The following IL36B variants were observed in gnomAD, a reference collection of about 807,000 sequenced individuals.
IL36B encodes interleukin-36 beta.
A neutral mutation model predicts 19.3 loss-of-function variants in IL36B; 23 were observed. The observed-to-expected ratio is 1.19, with a 90% CI of 0.86 to 1.69. IL36B has a LOEUF of 1.69. Ranked by LOEUF, IL36B falls within the 40% of genes most tolerant of loss-of-function variation. The probability of loss-of-function intolerance (pLI) is 0.00; values close to 1 mark genes in which losing one functional copy is unlikely to be tolerated. For missense variants in IL36B, 217 were observed against 200.5 expected (o/e 1.08, Z -0.50); for synonymous variants, 59 against 59.7 (o/e 0.99, Z 0.05).
At chr2:113,052,152 G>T (rs1350708355) in intron 1 of IL36B, among the ~76,000 whole-genome samples, 2 of 151,928 alleles carry the variant, frequency 1.3e-5, no homozygotes, top group East Asian at 3.9e-4. Flanking sequence ...GTTTCTTCAT[G>T]TTTGCCAGGC....
chr2:113,031,104 C>T lies in IL36B; in HGVS notation c.65G>A (p.Trp22Ter). The stretch of plus-strand genomic sequence containing the variant: ...TATTAAAGAATTTCCACTCAGGACC[C>T]ACACCATCTGTCGAGAATCACGAAT... The change falls in exon 3 of 6, where the codon TGG (tryptophan) becomes TAG (stop). Residue 22 changes from tryptophan (W) to a stop codon, truncating the protein, a stop_gained. Transcript: ENST00000259213. LOFTEE classifies it high-confidence loss of function. The T allele has an allele frequency of 6.2e-7, 1 of 1,614,176 alleles. No homozygotes were observed.
intron 1 of IL36B, among the ~76,000 whole-genome samples, chr2:113,050,219 CA>C (rs1461711113): frequency 6.6e-6 from 1 of 151,962 alleles, no homozygotes; most frequent in Non-Finnish European, 1.5e-5. Context: ...TGTCCATCGA[CA>C]GATGAACGAA....
intron 1 of IL36B, among the ~76,000 whole-genome samples, chr2:113,045,361 T>G (rs933087367): frequency 2.6e-5 from 4 of 152,204 alleles, no homozygotes; most frequent in African/African-American, 7.2e-5. Flanking sequence ...TGTATTTGTA[T>G]GCATTGTGTC....
intron 1 of IL36B, among the ~76,000 whole-genome samples, chr2:113,049,998 C>T (rs1339016410): frequency 4.0e-5 from 6 of 151,878 alleles, no homozygotes; most frequent in Non-Finnish European, 5.9e-5. Flanking sequence ...CCCTTGTGCA[C>T]TGTTGGTGGG....
chr2:113,044,657 T>C (rs975316720), intron 1 of IL36B, among the ~76,000 whole-genome samples: 3 of 152,204 alleles, frequency 2.0e-5, no homozygotes, highest in Admixed American at 1.3e-4. Flanking sequence ...AGTTTTGCTT[T>C]TTAATTCAAT....
At chr2:113,037,166 T>C (rs913142216) in intron 1 of IL36B, among the ~76,000 whole-genome samples, 3 of 152,122 alleles carry the variant, frequency 2.0e-5, no homozygotes, top group Non-Finnish European at 2.9e-5. Flanking sequence ...GAGGTACCTA[T>C]GGCTCTCAAC....
intron 1 of IL36B, among the ~76,000 whole-genome samples, chr2:113,040,676 A>G (rs1685238915): frequency 6.6e-6 from 1 of 152,240 alleles, no homozygotes; most frequent in Non-Finnish European, 1.5e-5. Flanking sequence ...AATAAATTTA[A>G]CAAAGTATAT....
chr2:113,045,948 G>C (rs890865001), intron 1 of IL36B, among the ~76,000 whole-genome samples: 6 of 152,056 alleles, frequency 3.9e-5, no homozygotes, highest in Non-Finnish European at 8.8e-5. Context: ...TCCTCATACT[G>C]TGTCTGAATT....
At chr2:113,050,136 T>C (rs928445939) in intron 1 of IL36B, among the ~76,000 whole-genome samples, 2 of 152,198 alleles carry the variant, frequency 1.3e-5, no homozygotes, top group Non-Finnish European at 2.9e-5. Context: ...AAGCAGAGAC[T>C]TGAAAAGCTA....
intron 1 of IL36B, among the ~76,000 whole-genome samples, chr2:113,044,657 T>A (rs975316720): frequency 6.6e-6 from 1 of 152,204 alleles, no homozygotes; most frequent in Admixed American, 6.5e-5. Flanking sequence ...AGTTTTGCTT[T>A]TTAATTCAAT....
At chr2:113,033,061 A>C (rs1357951508) in intron 1 of IL36B, among the ~76,000 whole-genome samples, 1 of 152,200 alleles carries the variant, frequency 6.6e-6, no homozygotes, top group Non-Finnish European at 1.5e-5. Context: ...AAACTGCATG[A>C]AGCCATTGCT....
In IL36B at chr2:113,026,119, T is replaced by A. The variant is rs761589252; in HGVS notation, c.375A>T (p.Gln125His). The A allele has an allele frequency of 6.2e-7, 1 of 1,613,732 alleles. No individual in the cohort carries two copies. Among genetic ancestry groups the A allele is most frequent in the Admixed American group, 1.7e-5 (1 of 59,984 alleles). The change falls in exon 5 of 6, where the codon CAA (glutamine) becomes CAT (histidine). Residue 125 changes from glutamine to histidine, a missense_variant. By Grantham distance (24) the Gln-to-His change is conservative (BLOSUM62 0). Transcript: ENST00000259213. ...GCTCCTCACCCACTCCTATTCCCCA[T>A]TGGTCAAGGGTTCCCATGAAGCAGC...
rs1028986114 is a variant in IL36B, at chr2:113,031,688, A to T, written c.13+9T>A. On this transcript the variant is annotated intron_variant, in intron 2 of 5. Transcript: ENST00000259213. The stretch of plus-strand genomic sequence containing the variant: ...ATATTTCCAAGCTGATTTGCAATTC[A>T]CCACTTACGTTGTGGGTTCATGATG... 4.3e-6 allele frequency: 7 copies of T among 1,609,304 alleles called. No homozygotes were observed. The highest frequency in any genetic ancestry group is 1.7e-4 in the Middle Eastern group (1 of 5,866).
At chr2:113,046,201 GTTTTTTCTTTTTTTTT>G (rs1558837361) in intron 1 of IL36B, among the ~76,000 whole-genome samples, 2 of 145,090 alleles carry the variant, frequency 1.4e-5, no homozygotes, top group Non-Finnish European at 3.0e-5. Context: ...GTTTCTTCAG[GTTTTTTCTTTTTTTTT>G]TTTTTTTTTT....
intron 1 of IL36B, among the ~76,000 whole-genome samples, chr2:113,041,200 A>C (rs1685250918): frequency 6.6e-6 from 1 of 152,118 alleles, no homozygotes; most frequent in African/African-American, 2.4e-5. Flanking sequence ...ATGCCAAACA[A>C]GCTTGGAGAA....
intron 5 of IL36B, among the ~76,000 whole-genome samples, chr2:113,025,483 A>G (rs35981230): frequency 0.018 from 2,687 of 152,340 alleles, 30 homozygotes; most frequent in Admixed American, 0.025. Flanking sequence ...AAGGGAGTGC[A>G]TAAATGAAAG....
At chr2:113,028,411 C>G (rs1216421145) in intron 4 of IL36B, among the ~76,000 whole-genome samples, 1 of 152,178 alleles carries the variant, frequency 6.6e-6, no homozygotes, top group Non-Finnish European at 1.5e-5. Flanking sequence ...TTTTGATATG[C>G]ATTTGTCTGC....
chr2:113,035,150 T>G (rs1347701189), intron 1 of IL36B, among the ~76,000 whole-genome samples: 1 of 152,208 alleles, frequency 6.6e-6, no homozygotes, highest in Non-Finnish European at 1.5e-5. Flanking sequence ...GCAGAAGGGT[T>G]GGAACCATGA....
At chr2:113,034,361 A>G (rs1006855135) in intron 1 of IL36B, among the ~76,000 whole-genome samples, 16 of 152,134 alleles carry the variant, frequency 1.1e-4, no homozygotes, top group Non-Finnish European at 2.4e-4. Context: ...CAACTTCTCA[A>G]TAAGGTATTC....
Sources: allele counts gnomAD v4.1 joint callset (sites outside exome capture counted in the v4.1 genomes callset), GRCh38; gene constraint gnomAD v4.1.1; transcripts MANE v1.5; gene names NCBI Gene and HGNC (gene_info 2026-07-23, HGNC 2026-07-21).